KCNMA1: variants seen among roughly 807,000 people sequenced by gnomAD.
KCNMA1 encodes Calcium-activated potassium channel subunit alpha-1.
A neutral mutation model predicts 140.0 loss-of-function variants in KCNMA1; 29 were observed. The ratio of observed to expected loss-of-function variants is 0.21; its 90% CI spans 0.15 to 0.28. The LOEUF is 0.28. Ranked by LOEUF, KCNMA1 falls within the 10% of genes least tolerant of loss-of-function variation. The pLI, the probability that KCNMA1 is intolerant of heterozygous loss-of-function variation, is 1.00. For missense variants in KCNMA1, 880 were observed against 1,602.2 expected (o/e 0.55, Z 7.70); for synonymous variants, 612 against 611.9 (o/e 1.00, Z 0.00).
intron 1 of KCNMA1, among the ~76,000 whole-genome samples, chr10:77,447,841 G>A (rs1053354752): frequency 2.6e-5 from 4 of 152,230 alleles, no homozygotes; most frequent in African/African-American, 2.4e-5. Context: ...CTCTCACCAC[G>A]GCACTTTAAT....
intron 2 of KCNMA1, among the ~76,000 whole-genome samples, chr10:77,271,999 C>T (rs993540658): frequency 1.3e-5 from 2 of 152,172 alleles, no homozygotes; most frequent in African/African-American, 4.8e-5. Flanking sequence ...GCTCCTCCTA[C>T]AAGGCCTTTC....
intron 25 of KCNMA1, among the ~76,000 whole-genome samples, chr10:76,892,938 C>T (rs539033105): frequency 2.8e-4 from 42 of 152,190 alleles, no homozygotes; most frequent in African/African-American, 1.0e-3. Flanking sequence ...ATTCCAACTG[C>T]AAAAGAATTT....
chr10:77,064,661 G>T (rs2095865924), intron 14 of KCNMA1, among the ~76,000 whole-genome samples: 1 of 152,168 alleles, frequency 6.6e-6, no homozygotes, highest in Admixed American at 6.5e-5. Flanking sequence ...GCATTAGTGG[G>T]CTTGGTCAGA....
intron 19 of KCNMA1, chr10:76,979,499 C>A (rs988382017): frequency 2.0e-5 from 3 of 152,030 alleles, no homozygotes; most frequent in Non-Finnish European, 4.4e-5. Context: ...CAAACAGGTT[C>A]AAATAGCCAT....
intron 1 of KCNMA1, among the ~76,000 whole-genome samples, chr10:77,552,108 G>T (rs1275904397): frequency 1.3e-5 from 2 of 152,188 alleles, no homozygotes; most frequent in Non-Finnish European, 2.9e-5. Flanking sequence ...GTTGCAGAAG[G>T]CTGGGAAGCT....
rs564422155 is a variant in KCNMA1, at chr10:77,595,682, T to A, written c.378+41583A>T. Among the ~76,000 whole-genome samples the A allele has an allele frequency of 2.0e-5, 3 of 151,876 alleles. No individual in the cohort carries two copies. In the East Asian group the frequency reaches 5.9e-4, roughly 30 times the overall value. ...GCTAGTTTTTGTTTTGTTTTGTTTT[T>A]TGAGATGGACTCTCACTCTGTTGCC... On this transcript the variant is annotated intron_variant, in intron 1 of 27. Coordinates refer to ENST00000286628, the MANE Select transcript of KCNMA1 (RefSeq NM_001161352.2).
chr10:76,869,791 T>TTAATCA (rs1171220608), exon 28 of KCNMA1: 7 of 152,586 alleles, frequency 4.6e-5, no homozygotes, highest in Non-Finnish European at 4.4e-5. Context: ...GTCAGAGTAA[T>TTAATCA]TAATCATAAT....
rs180728781 is a variant in KCNMA1, at chr10:77,508,317, G to A, written c.379-104294C>T. ...AACCTCCTAAGTAGCTGGGACTACA[G>A]ATACGCATCACCATGCCTGGCTATT... On this transcript the variant is annotated intron_variant, in intron 1 of 27. Transcript: ENST00000286628. Among the ~76,000 whole-genome samples the A allele has an allele frequency of 6.2e-4, 92 of 149,544 alleles. 1 individual carries two copies. Among genetic ancestry groups the A allele is most frequent in the Admixed American group, 5.9e-3 (89 of 15,010 alleles).
intron 2 of KCNMA1, among the ~76,000 whole-genome samples, chr10:77,367,430 C>A (rs573606828): frequency 2.9e-4 from 44 of 152,246 alleles, no homozygotes; most frequent in Admixed American, 9.2e-4. Flanking sequence ...CTCTGTAGAG[C>A]CTAACCCCCT....
At chr10:77,021,423 A>G (rs571410740) in intron 16 of KCNMA1, among the ~76,000 whole-genome samples, 3 of 152,342 alleles carry the variant, frequency 2.0e-5, no homozygotes, top group South Asian at 2.1e-4. Context: ...GAGCTAGGTG[A>G]TTATAAAACT....
At chr10:77,324,953 CTCTCTCTCTCTCTCTCTCTGTG>C (rs1602549974) in intron 2 of KCNMA1, among the ~76,000 whole-genome samples, 2 of 81,416 alleles carry the variant, frequency 2.5e-5, no homozygotes, top group South Asian at 1.0e-3. Context: ...CTCTCTCTCT[CTCTCTCTCTCTCTCTCTCTGTG>C]TGTGTGTGTG....
intron 3 of KCNMA1, among the ~76,000 whole-genome samples, chr10:77,234,117 AAAATGCCCT>A (rs2054577409): frequency 6.6e-6 from 1 of 152,204 alleles, no homozygotes; most frequent in Non-Finnish European, 1.5e-5. Flanking sequence ...GATCTTCATA[AAAATGCCCT>A]AATCAAGAAG....
chr10:76,993,864 CTAAG>C (rs2083459617), intron 19 of KCNMA1, among the ~76,000 whole-genome samples: 1 of 152,364 alleles, frequency 6.6e-6, no homozygotes, highest in African/African-American at 2.4e-5. Flanking sequence ...TCCCTGCATG[CTAAG>C]TAAGTCTTAA....
chr10:77,230,342 G>T (rs899205740), intron 3 of KCNMA1, among the ~76,000 whole-genome samples: 2 of 152,214 alleles, frequency 1.3e-5, no homozygotes, highest in Admixed American at 6.5e-5. Context: ...TGGGTTTACA[G>T]AAATGTCTTG....
intron 3 of KCNMA1, among the ~76,000 whole-genome samples, chr10:77,197,372 T>C (rs1245611317): frequency 6.6e-6 from 1 of 152,232 alleles, no homozygotes; most frequent in African/African-American, 2.4e-5. Flanking sequence ...CAGGAACATG[T>C]AGGACTGATG....
intron 1 of KCNMA1, among the ~76,000 whole-genome samples, chr10:77,625,047 C>T (rs1052560906): frequency 5.3e-5 from 8 of 151,954 alleles, no homozygotes; most frequent in Admixed American, 6.6e-5. Context: ...AATGTTTTTC[C>T]CTTTTCTCAA....
Position 77,594,973 on chromosome 10 carries a change from C to G in KCNMA1, c.378+42292G>C, listed in dbSNP as rs534987201. Among the ~76,000 whole-genome samples, 36 of 152,290 alleles carry G rather than the reference C, an allele frequency of 2.4e-4. 1 individual carries two copies. The South Asian group carries it at 7.2e-3, about 31-fold the overall frequency. ...TTGCTTGCTACAGCAGCTAGGCCAC[C>G]TGGACTAGCAAAATGTCCCAGTGGA... On this transcript the variant is annotated intron_variant, in intron 1 of 27. Coordinates refer to ENST00000286628, the MANE Select transcript of KCNMA1 (RefSeq NM_001161352.2).
At chr10:77,563,163 A>T (rs2066963858) in intron 1 of KCNMA1, among the ~76,000 whole-genome samples, 1 of 152,192 alleles carries the variant, frequency 6.6e-6, no homozygotes, top group African/African-American at 2.4e-5. Context: ...TCAAACAGCT[A>T]AGCTTCAAAA....
chr10:76,910,186 T>G, intron 24 of KCNMA1, 90 bp from the exon 25 acceptor site: 2 of 1,433,594 alleles, frequency 1.4e-6, no homozygotes, highest in Non-Finnish European at 1.9e-6. Context: ...TTAGAAATAC[T>G]GAAGTCATTG....
Sources: gnomAD v4.1 joint callset for allele counts (sites outside exome capture counted in the v4.1 genomes callset) on GRCh38, gnomAD v4.1.1 for gene constraint, MANE v1.5 for transcripts, NCBI Gene and HGNC (gene_info 2026-07-23, HGNC 2026-07-21) for gene names.